PTGER3: variants seen among roughly 807,000 people sequenced by gnomAD.
PTGER3 encodes the protein prostaglandin E receptor 3.
A neutral mutation model predicts 34.7 loss-of-function variants in PTGER3; 22 were observed. That is an observed-to-expected ratio of 0.63 (90% confidence interval 0.45 to 0.91). The LOEUF is 0.91. Among genes scored for constraint, PTGER3 ranks in the 40% least tolerant of loss-of-function variants. PTGER3 has a pLI of 0.00. For missense variants in PTGER3, 468 were observed against 519.4 expected (o/e 0.90, Z 0.96); for synonymous variants, 241 against 230.1 (o/e 1.05, Z -0.43).
intron 4 of PTGER3, among the ~76,000 whole-genome samples, chr1:70,899,561 C>A (rs568572709): frequency 6.6e-6 from 1 of 151,934 alleles, no homozygotes; most frequent in Admixed American, 6.6e-5. Flanking sequence ...TAGAGGAAAT[C>A]GGCATGAGCC....
At chr1:70,928,133 T>TTTA (rs1557661587) in intron 4 of PTGER3, among the ~76,000 whole-genome samples, 11 of 145,522 alleles carry the variant, frequency 7.6e-5, no homozygotes, top group African/African-American at 1.2e-4. Context: ...ATATATATAT[T>TTTA]TATATATATA....
At chr1:71,031,625 C>T (rs1659425378) in intron 1 of PTGER3, among the ~76,000 whole-genome samples, 1 of 152,166 alleles carries the variant, frequency 6.6e-6, no homozygotes, top group African/African-American at 2.4e-5. Flanking sequence ...CAGAGGCATG[C>T]AGCAAACATT....
chr1:70,872,142 C>A (rs181047239), intron 4 of PTGER3, among the ~76,000 whole-genome samples: 5 of 152,274 alleles, frequency 3.3e-5, no homozygotes, highest in Admixed American at 2.6e-4. Context: ...TAAAATTTTT[C>A]TTTCCCATGA....
At chr1:70,940,301 A>G (rs1649634300) in intron 4 of PTGER3, among the ~76,000 whole-genome samples, 1 of 152,152 alleles carries the variant, frequency 6.6e-6, no homozygotes, top group Non-Finnish European at 1.5e-5. Context: ...CCATCCAACA[A>G]GTCTCTAGGA....
chr1:70,959,262 C>T (rs773936499), intron 2 of PTGER3, among the ~76,000 whole-genome samples: 22 of 152,036 alleles, frequency 1.4e-4, no homozygotes, highest in Non-Finnish European at 1.5e-5. Flanking sequence ...TGCATTGAAT[C>T]TGTAGATTGG....
chr1:70,963,671 G>T (rs1369691834), intron 2 of PTGER3, among the ~76,000 whole-genome samples: 1 of 152,136 alleles, frequency 6.6e-6, no homozygotes. Flanking sequence ...ACAGCAGGGG[G>T]ACCCAGGAAT....
chr1:71,007,112 C>G (rs1453588416), intron 2 of PTGER3: 1 of 984,854 alleles, frequency 1.0e-6, no homozygotes, highest in Non-Finnish European at 1.2e-6. Flanking sequence ...TCCATTTAAT[C>G]AAGTATATAG....
intron 4 of PTGER3, among the ~76,000 whole-genome samples, chr1:70,905,233 G>A (rs1414654881): frequency 6.6e-6 from 1 of 152,100 alleles, no homozygotes; most frequent in African/African-American, 2.4e-5. Flanking sequence ...TGCTGCAGGG[G>A]TGGGGCATTC....
intron 4 of PTGER3, among the ~76,000 whole-genome samples, chr1:70,882,920 C>T (rs1183777764): frequency 2.0e-5 from 3 of 152,206 alleles, no homozygotes; most frequent in Non-Finnish European, 4.4e-5. Flanking sequence ...TTCACTAGCC[C>T]TTTTGTTTCC....
At chr1:70,933,740 T>C (rs999422488) in intron 4 of PTGER3, among the ~76,000 whole-genome samples, 1 of 152,200 alleles carries the variant, frequency 6.6e-6, no homozygotes, top group African/African-American at 2.4e-5. Flanking sequence ...CTAGTTTTAA[T>C]AGCTAGAGTC....
chr1:70,862,292 G>A (rs2100486313), intron 4 of PTGER3: 1 of 1,316,860 alleles, frequency 7.6e-7, no homozygotes, highest in Non-Finnish European at 1.0e-6. Flanking sequence ...GTTCTTTGGA[G>A]ATCATGACTT....
At position 70,993,057 on chromosome 1, in the gene PTGER3, C is replaced by T. The variant is rs1167384747; in HGVS notation, c.1078-18669G>A. 3.3e-5 allele frequency among the ~76,000 whole-genome samples: 5 copies of T among 152,210 alleles called. No homozygotes were observed. In the East Asian group the frequency reaches 7.7e-4, roughly 23 times the overall value. On this transcript the variant is annotated intron_variant, in intron 2 of 3. Coordinates refer to ENST00000306666, the MANE Select transcript of PTGER3 (RefSeq NM_198719.2). ...ATATGAGGTCCCTCAATGTTAAATT[C>T]CCCCCTCTTCTAACAAGTATATCTA...
chr1:71,012,616 T>G (rs1233020731), intron 1 of PTGER3, 132 bp from the exon 2 acceptor site: 1 of 744,228 alleles, frequency 1.3e-6, no homozygotes. Flanking sequence ...CAAGCAACAT[T>G]TATACTTGGA....
intron 4 of PTGER3, among the ~76,000 whole-genome samples, chr1:70,924,601 A>G (rs1293303473): frequency 6.6e-6 from 1 of 152,160 alleles, no homozygotes; most frequent in Non-Finnish European, 1.5e-5. Flanking sequence ...CCATTCATGG[A>G]AAGCCTTCTA....
intron 4 of PTGER3, among the ~76,000 whole-genome samples, chr1:70,921,545 G>A (rs944784422): frequency 1.3e-5 from 2 of 151,976 alleles, no homozygotes; most frequent in African/African-American, 4.8e-5. Context: ...GTCATAATAA[G>A]GCATACCTCA....
chr1:70,883,378 TAATTA>T (rs1216666853), intron 4 of PTGER3, among the ~76,000 whole-genome samples: 1 of 152,234 alleles, frequency 6.6e-6, no homozygotes, highest in African/African-American at 2.4e-5. Context: ...TTTCACAACT[TAATTA>T]AATTCCTTAA....
intron 2 of PTGER3, among the ~76,000 whole-genome samples, chr1:70,988,547 T>C (rs1202986264): frequency 2.0e-5 from 3 of 152,188 alleles, no homozygotes; most frequent in African/African-American, 7.2e-5. Context: ...TCCTTCCTAC[T>C]GACCAGAAGG....
At chr1:70,966,218 T>C (rs957409552), downstream of PTGER3, among the ~76,000 whole-genome samples, 2 of 152,142 alleles carry the variant, frequency 1.3e-5, no homozygotes, top group African/African-American at 4.8e-5. Flanking sequence ...CATCTGCCTG[T>C]AGGTGTAAAG....
chr1:70,939,903 T>C (rs368087816), intron 4 of PTGER3, among the ~76,000 whole-genome samples: 14 of 152,344 alleles, frequency 9.2e-5, no homozygotes, highest in African/African-American at 3.4e-4. Context: ...AACATTCGGC[T>C]CCTTGCTACT....
Sources: gnomAD v4.1 joint callset for allele counts (sites outside exome capture counted in the v4.1 genomes callset) on GRCh38, gnomAD v4.1.1 for gene constraint, MANE v1.5 for transcripts, NCBI Gene and HGNC (gene_info 2026-07-23, HGNC 2026-07-21) for gene names.